The following TDRD12 variants were observed in gnomAD, a reference collection of about 807,000 sequenced individuals.
TDRD12 encodes the protein putative ATP-dependent RNA helicase TDRD12.
A neutral mutation model predicts 133.5 loss-of-function variants in TDRD12; 158 were observed. The ratio of observed to expected loss-of-function variants is 1.18; its 90% CI spans 1.04 to 1.35. The LOEUF (loss-of-function observed/expected upper bound fraction) is 1.35, where lower values mean the gene tolerates loss of function less well. Among genes scored for constraint, TDRD12 ranks in the 40% most tolerant of loss-of-function variants. The pLI, the probability that TDRD12 is intolerant of heterozygous loss-of-function variation, is 0.00. For missense variants in TDRD12, 1,443 were observed against 1,321.3 expected (o/e 1.09, Z -1.43); for synonymous variants, 460 against 477.9 (o/e 0.96, Z 0.49).
intron 2 of TDRD12, among the ~76,000 whole-genome samples, chr19:32,734,308 A>G (rs1319098270): frequency 6.6e-6 from 1 of 152,100 alleles, no homozygotes; most frequent in Non-Finnish European, 1.5e-5. Flanking sequence ...GTGCCTAGTT[A>G]TCACATTTTT....
intron 11 of TDRD12, among the ~76,000 whole-genome samples, chr19:32,784,303 C>T (rs1001876632): frequency 5.3e-5 from 8 of 152,130 alleles, no homozygotes; most frequent in South Asian, 2.1e-4. Context: ...TATTGATTTG[C>T]GTATGTTGAA....
At chr19:32,782,882 A>C (rs1340675862) in intron 11 of TDRD12, among the ~76,000 whole-genome samples, 1 of 152,190 alleles carries the variant, frequency 6.6e-6, no homozygotes, top group Non-Finnish European at 1.5e-5. Flanking sequence ...TTGCCAGATG[A>C]ATAGATTGCA....
chr19:32,805,729 CT>C (rs397860060), intron 21 of TDRD12, among the ~76,000 whole-genome samples: 16,920 of 118,742 alleles, frequency 0.14, 628 homozygotes, highest in Non-Finnish European at 0.15. Context: ...TTTTTTTTAT[CT>C]TTTTTTTTTT....
At chr19:32,768,251 A>C (rs1970352515) in intron 8 of TDRD12, among the ~76,000 whole-genome samples, 1 of 151,962 alleles carries the variant, frequency 6.6e-6, no homozygotes, top group African/African-American at 2.4e-5. Flanking sequence ...ACCCTGCCAC[A>C]CTCCCCAGCA....
chr19:32,798,448 T>G lies in TDRD12; in HGVS notation c.1758+13T>G, dbSNP rs1971293840. 1 of 1,527,676 alleles carries G rather than the reference T, an allele frequency of 6.5e-7. No individual in the cohort carries two copies. The highest frequency in any genetic ancestry group is 8.8e-7 in the Non-Finnish European group (1 of 1,140,094). The allele number at this position is 1,527,676 out of a possible 1,614,324, so 94.6% of individuals were successfully genotyped here. A position where few individuals can be genotyped will look rare whatever the true frequency, so the allele number is the denominator to read the frequency against. ...AGCCAATGAACAGGTGAGCGTGGCTTAAGGTCCTCAGCACTCAGAAGAGAG... is the reference window on the plus strand; with the variant it reads ...AGCCAATGAACAGGTGAGCGTGGCTGAAGGTCCTCAGCACTCAGAAGAGAG... On this transcript the variant is annotated intron_variant, in intron 16 of 27. Coordinates refer to ENST00000444215, the Ensembl canonical transcript of TDRD12.
chr19:32,785,106 T>C (rs1970869548), intron 11 of TDRD12, among the ~76,000 whole-genome samples: 2 of 152,148 alleles, frequency 1.3e-5, no homozygotes, highest in Non-Finnish European at 2.9e-5. Flanking sequence ...TCTCCTGCTT[T>C]CCCTTGTGGG....
At chr19:32,746,529 A>T (rs1265930766) in intron 4 of TDRD12, among the ~76,000 whole-genome samples, 3 of 123,826 alleles carry the variant, frequency 2.4e-5, no homozygotes, top group South Asian at 2.9e-4. Context: ...TCTGTGTGTG[A>T]CAGAGACGGG....
At chr19:32,745,010 A>G (rs1472096410) in intron 4 of TDRD12, among the ~76,000 whole-genome samples, 1 of 151,994 alleles carries the variant, frequency 6.6e-6, no homozygotes, top group African/African-American at 2.4e-5. Context: ...TGGCATCTAC[A>G]CTGATGTGAG....
rs140583205 is a variant in TDRD12 at position 32,818,041 on chromosome 19, C to T, written c.3315-48C>T. The T allele has an allele frequency of 2.9e-3, 2,053 of 702,240 alleles. 32 individuals are homozygous for T. The African/African-American group carries it at 0.032, about 11-fold the overall frequency. 43.5% of individuals were successfully genotyped at this position (702,240 alleles called of 1,614,324 possible). A position where few individuals can be genotyped will look rare whatever the true frequency, so the allele number is the denominator to read the frequency against. On this transcript the variant is annotated intron_variant, in intron 26 of 27. Coordinates refer to ENST00000444215, the Ensembl canonical transcript of TDRD12. Reference sequence around the variant, plus strand: ...CTCTACTGTCCCCAGACAGGCTCCACAGATGCACATGATTATTTGCAAATG... The same window carrying T: ...CTCTACTGTCCCCAGACAGGCTCCATAGATGCACATGATTATTTGCAAATG...
chr19:32,790,532 T>G lies in TDRD12; in HGVS notation c.1123T>G (p.Leu375Val), dbSNP rs1183765250. Residue 375 changes from leucine (L) to valine (V), a missense_variant and splice_region_variant, in exon 12 of 28, where the codon TTA becomes GTA. Transcript: ENST00000444215. ...ATTCTTCTTTTAACTATCTTACAGATTACTGCAGTTTTTAAATCCTGATCC... is the reference window on the plus strand; with the variant it reads ...ATTCTTCTTTTAACTATCTTACAGAGTACTGCAGTTTTTAAATCCTGATCC... 1.9e-6 allele frequency: 3 copies of G among 1,551,544 alleles called. No individual in the cohort carries two copies. In the African/African-American group the frequency reaches 4.1e-5, roughly 21 times the overall value.
chr19:32,724,781 A>T (rs1018576694), intron 1 of TDRD12, among the ~76,000 whole-genome samples: 10 of 152,184 alleles, frequency 6.6e-5, no homozygotes, highest in Non-Finnish European at 1.5e-4. Flanking sequence ...ATCTTTGAGG[A>T]ATCACCACAC....
chr19:32,825,195 A>C (rs893783537), downstream of TDRD12, among the ~76,000 whole-genome samples: 2 of 152,248 alleles, frequency 1.3e-5, no homozygotes, highest in African/African-American at 4.8e-5. The surrounding 1 kb of genome is among the most constrained non-coding windows in gnomAD (Gnocchi z 4.1). Context: ...TGTGACACCG[A>C]GGATGGCGCT....
intron 24 of TDRD12, among the ~76,000 whole-genome samples, chr19:32,812,382 G>C (rs567871505): frequency 6.6e-6 from 1 of 152,188 alleles, no homozygotes; most frequent in South Asian, 2.1e-4. Context: ...TGCATAATTC[G>C]ACAAATGGGA....
downstream of TDRD12, among the ~76,000 whole-genome samples, chr19:32,822,861 G>T (rs375691822): frequency 2.0e-5 from 3 of 152,170 alleles, no homozygotes; most frequent in Non-Finnish European, 4.4e-5. Context: ...ATTTATCTTC[G>T]TGTGGCCTTT....
chr19:32,752,233 T>C (rs1969851809), intron 6 of TDRD12, among the ~76,000 whole-genome samples: 1 of 151,546 alleles, frequency 6.6e-6, no homozygotes, highest in Non-Finnish European at 1.5e-5. Context: ...AGGCTGGATC[T>C]CAATGGTGCG....
intron 11 of TDRD12, among the ~76,000 whole-genome samples, chr19:32,778,278 C>T (rs913546339): frequency 6.6e-6 from 1 of 151,904 alleles, no homozygotes; most frequent in Non-Finnish European, 1.5e-5. Context: ...AAGGGTGAGG[C>T]TTTGAAAGCT....
At chr19:32,756,264 T>C in intron 7 of TDRD12, 83 bp downstream of exon 7, 1 of 1,185,380 alleles carries the variant, frequency 8.4e-7, no homozygotes, top group Non-Finnish European at 1.1e-6. Flanking sequence ...GTACAGACTT[T>C]TCCCCACATG....
In TDRD12 at chr19:32,781,687, T is replaced by TTCTCTCTCTCTCTCTCTCTC. The variant is rs35069423; in HGVS notation, c.1121+4464_1121+4483dup. Among the ~76,000 whole-genome samples, 21 of 148,378 alleles carry TTCTCTCTCTCTCTCTCTCTC rather than the reference T, an allele frequency of 1.4e-4. 1 individual carries two copies. Among genetic ancestry groups the TTCTCTCTCTCTCTCTCTCTC allele is most frequent in the African/African-American group, 5.2e-4 (21 of 40,566 alleles). On this transcript the variant is annotated intron_variant, in intron 11 of 27. Coordinates refer to ENST00000444215, the Ensembl canonical transcript of TDRD12. ...TTCTTTATATATGACTCCTTTCCTT[T>TTCTCTCTCTCTCTCTCTCTC]TCTCTCTCTCTCTCTCTCTCTCTCT...
At chr19:32,792,770 C>G (rs1391640244) in intron 13 of TDRD12, among the ~76,000 whole-genome samples, 3 of 152,188 alleles carry the variant, frequency 2.0e-5, no homozygotes, top group Non-Finnish European at 4.4e-5. Context: ...TCTGAAGCAT[C>G]TAAGTTGAGG....
Sources: gnomAD v4.1 joint callset for allele counts (sites outside exome capture counted in the v4.1 genomes callset) on GRCh38, gnomAD v4.1.1 for gene constraint, Gnocchi (gnomAD v3.1) non-coding constraint, MANE v1.5 for transcripts, NCBI Gene and HGNC (gene_info 2026-07-23, HGNC 2026-07-21) for gene names.